Variants in LMO7 observed in about 807,000 individuals in gnomAD.
LMO7 encodes LIM domain only protein 7.
A neutral mutation model predicts 206.5 loss-of-function variants in LMO7; 120 were observed. That is an observed-to-expected ratio of 0.58 (90% CI 0.50 to 0.68). The LOEUF is 0.68. Among genes scored for constraint, LMO7 ranks in the 30% least tolerant of loss-of-function variants. LMO7 has a pLI of 0.00. For synonymous variants in LMO7, 706 were observed against 681.5 expected (o/e 1.04, Z -0.56); for missense variants, 1,959 against 1,957.9 (o/e 1.00, Z -0.01).
intron 2 of LMO7, among the ~76,000 whole-genome samples, chr13:75,628,748 T>C (rs1174837926): frequency 6.6e-6 from 1 of 152,188 alleles, no homozygotes; most frequent in African/African-American, 2.4e-5. Flanking sequence ...CTTCTTTCAA[T>C]TATTTCCAGC....
intron 3 of LMO7, among the ~76,000 whole-genome samples, chr13:75,727,985 C>G (rs9573637): frequency 0.49 from 74,886 of 151,370 alleles, 20,178 homozygotes; most frequent in African/African-American, 0.71. Flanking sequence ...ATAGTATTCC[C>G]TGGTGTATAT....
intron 13 of LMO7, among the ~76,000 whole-genome samples, chr13:75,819,936 C>T (rs559088981): frequency 1.3e-5 from 2 of 152,218 alleles, no homozygotes; most frequent in South Asian, 4.1e-4. Flanking sequence ...AGTTCTTTTT[C>T]ATGTTTAATG....
Position 75,859,809 on chromosome 13 carries a change from G to A in LMO7, c.*1866G>A, listed in dbSNP as rs1221496648. On this transcript the variant is annotated 3_prime_UTR_variant, in exon 31 of 31. Transcript: ENST00000377534. ...TTTTGCCTTGTTCTCTGCCTGATGT[G>A]TATGCAGAGGCAGCCCTCAATATGC... is the stretch of plus-strand genomic sequence containing the variant. The A allele has an allele frequency of 6.6e-6, 1 of 152,170 alleles. No homozygotes were observed. The highest frequency in any genetic ancestry group is 6.5e-5 in the Admixed American group (1 of 15,278). The allele number at this position is 152,170 out of a possible 1,614,324, so 9.4% of individuals were successfully genotyped here.
intron 28 of LMO7, among the ~76,000 whole-genome samples, chr13:75,854,526 C>A (rs1036055899): frequency 1.2e-4 from 18 of 152,044 alleles, no homozygotes; most frequent in Admixed American, 1.3e-4. Flanking sequence ...AGGTCCTGAT[C>A]TAGGAGGTGG....
At chr13:75,804,052 TA>T (rs2055122970) in intron 7 of LMO7, 2 of 392,768 alleles carry the variant, frequency 5.1e-6, no homozygotes, top group Non-Finnish European at 9.1e-6. Context: ...AAATAGGACT[TA>T]TTCTTCTTAG....
chr13:75,654,150 A>C (rs1045788595), intron 1 of LMO7, among the ~76,000 whole-genome samples: 3 of 152,336 alleles, frequency 2.0e-5, no homozygotes, highest in South Asian at 2.1e-4. Context: ...AATGACATGA[A>C]GAGACTTTAA....
chr13:75,782,740 G>A (rs1371372711), intron 4 of LMO7, among the ~76,000 whole-genome samples: 2 of 152,090 alleles, frequency 1.3e-5, no homozygotes, highest in Admixed American at 1.3e-4. Flanking sequence ...GCATTCCTTG[G>A]CTCCTGGCTG....
intron 7 of LMO7, among the ~76,000 whole-genome samples, chr13:75,803,908 CT>C (rs2055101882): frequency 1.3e-5 from 2 of 151,888 alleles, no homozygotes. Flanking sequence ...TTACTGAGTT[CT>C]CCCAGAATTA....
intron 1 of LMO7, among the ~76,000 whole-genome samples, chr13:75,670,641 A>G (rs2039479544): frequency 6.6e-6 from 1 of 152,234 alleles, no homozygotes. Context: ...TGTATAGGGC[A>G]CTCACCATGA....
At chr13:75,627,261 A>C (rs1201435683) in intron 2 of LMO7, 1 of 152,184 alleles carries the variant, frequency 6.6e-6, no homozygotes, top group Non-Finnish European at 1.5e-5. Context: ...ATTACATAAG[A>C]TATTCAACAA....
At chr13:75,829,526 C>T (rs1048555765) in intron 15 of LMO7, among the ~76,000 whole-genome samples, 6 of 152,138 alleles carry the variant, frequency 3.9e-5, no homozygotes, top group African/African-American at 1.4e-4. Flanking sequence ...CACTAAAGAA[C>T]TATATGTACA....
chr13:75,732,490 T>A (rs2045347700), intron 3 of LMO7, among the ~76,000 whole-genome samples: 3 of 152,210 alleles, frequency 2.0e-5, no homozygotes, highest in South Asian at 2.1e-4. Context: ...TCCTTTAAGC[T>A]CTTCTCTGTA....
intron 20 of LMO7, among the ~76,000 whole-genome samples, chr13:75,838,763 C>A (rs1201946277): frequency 6.6e-6 from 1 of 152,074 alleles, no homozygotes. Context: ...AGAACAGGTG[C>A]GTTTTGAGAT....
At chr13:75,696,085 T>C (rs1594338413) in intron 1 of LMO7, among the ~76,000 whole-genome samples, 1 of 152,146 alleles carries the variant, frequency 6.6e-6, no homozygotes. Flanking sequence ...GGCCGGGCGC[T>C]GTGGCTCATG....
At chr13:75,720,067 T>C (rs2043889799) in intron 2 of LMO7, among the ~76,000 whole-genome samples, 1 of 152,226 alleles carries the variant, frequency 6.6e-6, no homozygotes, top group African/African-American at 2.4e-5. Context: ...ATTATTTTAA[T>C]TTACATGTCC....
intron 1 of LMO7, among the ~76,000 whole-genome samples, chr13:75,671,404 G>A (rs988456305): frequency 1.3e-5 from 2 of 152,070 alleles, no homozygotes; most frequent in African/African-American, 2.4e-5. Context: ...TGTGATTGCT[G>A]CGATATCACT....
chr13:75,636,938 C>G (rs1391022309), intron 1 of LMO7, among the ~76,000 whole-genome samples: 1 of 152,172 alleles, frequency 6.6e-6, no homozygotes, highest in Non-Finnish European at 1.5e-5. Context: ...GCTGCCCTAA[C>G]CCCCGCCCCC....
At chr13:75,691,613 A>G (rs1178398508) in intron 1 of LMO7, among the ~76,000 whole-genome samples, 2 of 149,698 alleles carry the variant, frequency 1.3e-5, no homozygotes, top group Non-Finnish European at 3.0e-5. Flanking sequence ...GGGCTTTGAA[A>G]CCCAGTCCTC....
chr13:75,672,239 G>T (rs895193501), intron 1 of LMO7, among the ~76,000 whole-genome samples: 1 of 134,276 alleles, frequency 7.4e-6, no homozygotes, highest in Non-Finnish European at 1.7e-5. Context: ...GTTAAAAAAA[G>T]ATTTTTTTTT....
Sources: gnomAD v4.1 joint callset for allele counts (sites outside exome capture counted in the v4.1 genomes callset) on GRCh38, gnomAD v4.1.1 for gene constraint, MANE v1.5 for transcripts, NCBI Gene and HGNC (gene_info 2026-07-23, HGNC 2026-07-21) for gene names.